Variants in KTN1 observed in about 807,000 individuals in gnomAD.
KTN1 encodes the protein kinectin.
Under a neutral mutation model 222.5 loss-of-function variants are expected in KTN1, and 130 were observed. The observed-to-expected ratio is 0.58, with a 90% confidence interval of 0.51 to 0.68. The LOEUF (loss-of-function observed/expected upper bound fraction) is 0.68, where lower values mean the gene tolerates loss of function less well. Among genes scored for constraint, KTN1 ranks in the 30% least tolerant of loss-of-function variants. KTN1 has a pLI of 0.00. For synonymous variants in KTN1, 512 were observed against 496.3 expected (o/e 1.03, Z -0.42); for missense variants, 1,508 against 1,500.4 (o/e 1.01, Z -0.08).
intron 1 of KTN1, among the ~76,000 whole-genome samples, chr14:55,610,589 C>G (rs1035738353): frequency 6.6e-6 from 1 of 152,132 alleles, no homozygotes. Context: ...TTAAAAAATT[C>G]TCAGATTTAT....
intron 31 of KTN1, among the ~76,000 whole-genome samples, chr14:55,660,108 T>C (rs1241365554): frequency 2.6e-5 from 4 of 152,166 alleles, no homozygotes; most frequent in African/African-American, 7.2e-5. Flanking sequence ...AGGATAGATG[T>C]GGTAGCTCAC....
At chr14:55,617,714 A>G (rs1030064304) in intron 3 of KTN1, among the ~76,000 whole-genome samples, 3 of 152,214 alleles carry the variant, frequency 2.0e-5, no homozygotes, top group Non-Finnish European at 4.4e-5. Flanking sequence ...TTTAGATACC[A>G]TTAGAGGAGA....
chr14:55,658,433 T>C (rs1202152713), intron 29 of KTN1, 113 bp from the exon 30 acceptor site: 3 of 685,574 alleles, frequency 4.4e-6, no homozygotes, highest in Admixed American at 2.6e-5. Flanking sequence ...CCTTTAAAAT[T>C]ATTGCTATTT....
chr14:55,682,555 T>TA (rs2046464025), intron 43 of KTN1: 1 of 152,206 alleles, frequency 6.6e-6, no homozygotes, highest in African/African-American at 2.4e-5. Context: ...AAATAGCTGA[T>TA]ACTTCATGAG....
At chr14:55,636,279 G>A (rs994686788) in intron 9 of KTN1, among the ~76,000 whole-genome samples, 170 bp from the exon 10 acceptor site, 1 of 152,176 alleles carries the variant, frequency 6.6e-6, no homozygotes, top group Non-Finnish European at 1.5e-5. Context: ...TAAATAAATG[G>A]CTTTTAGACT....
At chr14:55,657,797 C>G (rs1489851197) in intron 29 of KTN1, among the ~76,000 whole-genome samples, 1 of 151,856 alleles carries the variant, frequency 6.6e-6, no homozygotes, top group African/African-American at 2.4e-5. Context: ...GCCTGTAGTC[C>G]CAGATACTCG....
At position 55,671,853 on chromosome 14, in the gene KTN1, T is replaced by A. The variant is rs1480365953; in HGVS notation, c.3507T>A (p.Asp1169Glu). 1 of 1,600,094 alleles carries A rather than the reference T, an allele frequency of 6.2e-7. No individual in the cohort carries two copies. Among genetic ancestry groups the A allele is most frequent in the Admixed American group, 1.7e-5 (1 of 59,932 alleles). The change falls in exon 37 of 44, where the codon GAT (aspartate) becomes GAA (glutamate). Residue 1169 changes from aspartate to glutamate, a missense_variant. Transcript: ENST00000395314. ...AAAATAAATGGAAAGTTAAGGTCGA[T>A]GAATCACACAAGACTATTAAACAGG... ...QEENKWKVKV[D>E]ESHKTIKQMQ...
chr14:55,596,286 A>G (rs2035025589), intron 1 of KTN1, among the ~76,000 whole-genome samples: 1 of 151,980 alleles, frequency 6.6e-6, no homozygotes. Context: ...TAATTTGACT[A>G]CTTTCTATTT....
intron 18 of KTN1, among the ~76,000 whole-genome samples, chr14:55,642,243 A>G (rs1421458106): frequency 2.0e-5 from 3 of 152,168 alleles, no homozygotes; most frequent in Non-Finnish European, 4.4e-5. Context: ...TGAAAGGAGA[A>G]GCTTATGTAT....
At chr14:55,647,836 C>A (rs1483837847) in intron 19 of KTN1, among the ~76,000 whole-genome samples, 189 bp from the exon 20 acceptor site, 3 of 146,064 alleles carry the variant, frequency 2.1e-5, no homozygotes, top group South Asian at 2.2e-4. Context: ...CCCAGCTACT[C>A]GGGAGGGTGA....
intron 40 of KTN1, chr14:55,673,836 T>TAA (rs2045660614): frequency 6.6e-6 from 1 of 152,184 alleles, no homozygotes; most frequent in African/African-American, 2.4e-5. Context: ...CTAAATGTCT[T>TAA]AAAACATATA....
intron 43 of KTN1, 67 bp downstream of exon 43, chr14:55,679,752 A>G: frequency 6.8e-7 from 1 of 1,461,368 alleles, no homozygotes; most frequent in Non-Finnish European, 9.5e-7. Flanking sequence ...ATGTGTATTT[A>G]CATAAATAAA....
chr14:55,640,338 A>C, intron 14 of KTN1, 36 bp from the exon 15 acceptor site: 1 of 1,328,006 alleles, frequency 7.5e-7, no homozygotes, highest in Non-Finnish European at 1.1e-6. Context: ...AATCAGTTGT[A>C]TTAAGTATTT....
chr14:55,650,080 A>T (rs2042791374), intron 22 of KTN1, among the ~76,000 whole-genome samples: 1 of 151,864 alleles, frequency 6.6e-6, no homozygotes, highest in Non-Finnish European at 1.5e-5. Context: ...TGTATTCCTC[A>T]GGGTACAAAT....
intron 1 of KTN1, among the ~76,000 whole-genome samples, chr14:55,603,235 C>T (rs2140487330): frequency 6.6e-6 from 1 of 152,180 alleles, no homozygotes. Flanking sequence ...CTGTTAACCT[C>T]ATATTCTCCT....
chr14:55,584,044 C>T (rs964339297), intron 1 of KTN1, among the ~76,000 whole-genome samples: 3 of 152,200 alleles, frequency 2.0e-5, no homozygotes, highest in South Asian at 2.1e-4. Flanking sequence ...CCTAACTGAT[C>T]TCCCTGCCTC....
Position 55,633,243 on chromosome 14 carries a change from A to C in KTN1, c.1230A>C (p.Gln410His). 1 of 1,571,932 alleles carries C rather than the reference A, an allele frequency of 6.4e-7. No homozygotes were observed. The highest frequency in any genetic ancestry group is 8.6e-7 in the Non-Finnish European group (1 of 1,159,672). The change falls in exon 8 of 44, where the codon CAA becomes CAC. Residue 410 changes from glutamine to histidine, a missense_variant. Coordinates refer to ENST00000395314, the MANE Select transcript of KTN1 (RefSeq NM_001079521.2). ...ETQQMQMKFQ[Q>H]VREQMEAEIA... The stretch of plus-strand genomic sequence containing the variant: ...GTGTAAAATAATTTTAGTTTCAGCA[A>C]GTTCGTGAGCAGATGGAGGCAGAGA...
Position 55,627,277 on chromosome 14 carries a change from G to A in KTN1, c.964-635G>A, listed in dbSNP as rs367980097. On this transcript the variant is annotated intron_variant, in intron 5 of 43. Transcript: ENST00000395314. ...TCCTTGGTTGATATGTATCTAGTTG[G>A]AAATTTCAGGATACACAACATTAAA... is the stretch of plus-strand genomic sequence containing the variant. Among the ~76,000 whole-genome samples, 41 of 152,036 alleles carry A rather than the reference G, an allele frequency of 2.7e-4. No homozygotes were observed. The East Asian group carries it at 4.2e-3, about 16-fold the overall frequency.
At chr14:55,588,670 G>A (rs1423921682) in intron 1 of KTN1, among the ~76,000 whole-genome samples, 2 of 152,132 alleles carry the variant, frequency 1.3e-5, no homozygotes, top group Non-Finnish European at 2.9e-5. Flanking sequence ...AGTATGTACT[G>A]CAGTTAATTT....
Sources: allele counts gnomAD v4.1 joint callset (sites outside exome capture counted in the v4.1 genomes callset), GRCh38; gene constraint gnomAD v4.1.1; transcripts MANE v1.5; gene names NCBI Gene and HGNC (gene_info 2026-07-23, HGNC 2026-07-21).